Variants in KLHL18 observed in about 807,000 individuals in gnomAD.
The protein encoded by KLHL18 is kelch-like protein 18.
In KLHL18, 38 loss-of-function variants were observed where a neutral mutation model predicts 58.5. The ratio of observed to expected loss-of-function variants is 0.65; its 90% CI spans 0.50 to 0.85. The LOEUF is 0.85. KLHL18 is among the 40% of genes least tolerant of loss of function. The probability of loss-of-function intolerance (pLI) is 0.00; values close to 1 mark genes in which losing one functional copy is unlikely to be tolerated. For synonymous variants in KLHL18, 303 were observed against 301.9 expected (o/e 1.00, Z -0.04); for missense variants, 624 against 778.4 (o/e 0.80, Z 2.36).
At chr3:47,297,531 C>T (rs1702922134) in intron 1 of KLHL18, 1 of 456,588 alleles carries the variant, frequency 2.2e-6, no homozygotes, top group Non-Finnish European at 4.4e-6. Flanking sequence ...CCCTAAGCCT[C>T]ACCATCTTTT....
rs1704187238 is a variant in KLHL18 at position 47,344,578 on chromosome 3, C to G, written c.*637C>G. 2 of 152,260 alleles carry G rather than the reference C, an allele frequency of 1.3e-5. No individual in the cohort carries two copies. The highest frequency in any genetic ancestry group is 2.9e-5 in the Non-Finnish European group (2 of 68,008). The allele number at this position is 152,260 out of a possible 1,614,324, so 9.4% of individuals were successfully genotyped here. On this transcript the variant is annotated 3_prime_UTR_variant, in exon 10 of 10. Transcript: ENST00000232766. The stretch of plus-strand genomic sequence containing the variant: ...TTTCAGTGAGGCCTTTTGATCTGTC[C>G]AGGAGAACAGAAGGGAAAAAAAGAT...
Position 47,333,309 on chromosome 3 carries a change from C to T in KLHL18, c.753C>T (p.His251=), listed in dbSNP as rs1703910244. 6.2e-7 allele frequency: 1 copy of T among 1,613,336 alleles called. No homozygotes were observed. Among genetic ancestry groups the T allele is most frequent in the South Asian group, 1.1e-5 (1 of 90,998 alleles). Residue 251 remains histidine, a synonymous_variant, in exon 5 of 10, where the codon CAC becomes CAT. Transcript: ENST00000232766. ...AGGATGACCTGGTGCGTTGCTGCCACAAATGCAGGTGAGTGAGGGTGGACC... is the reference window on the plus strand; with the variant it reads ...AGGATGACCTGGTGCGTTGCTGCCATAAATGCAGGTGAGTGAGGGTGGACC... ...VQQDDLVRCC[H]KCRDLVDEAK...
intron 1 of KLHL18, among the ~76,000 whole-genome samples, chr3:47,310,484 C>T (rs1703271994): frequency 6.6e-6 from 1 of 152,196 alleles, no homozygotes; most frequent in Non-Finnish European, 1.5e-5. Flanking sequence ...TTCGAGTTCT[C>T]TCCCTGAATG....
chr3:47,292,624 G>A (rs1702812602), intron 1 of KLHL18, among the ~76,000 whole-genome samples: 1 of 151,666 alleles, frequency 6.6e-6, no homozygotes, highest in African/African-American at 2.4e-5. Flanking sequence ...TATGGTATAT[G>A]GCTGGACACA....
chr3:47,307,469 A>G (rs1447027016), intron 1 of KLHL18, among the ~76,000 whole-genome samples: 2 of 152,136 alleles, frequency 1.3e-5, no homozygotes, highest in African/African-American at 4.8e-5. Flanking sequence ...TCCTAATCTC[A>G]AGGTCAAAAA....
At chr3:47,331,920 G>A (rs201369345) in intron 4 of KLHL18, among the ~76,000 whole-genome samples, 3 of 152,186 alleles carry the variant, frequency 2.0e-5, no homozygotes, top group East Asian at 3.8e-4. Context: ...AGGAGCACAA[G>A]CCATCCATAT....
chr3:47,340,617 G>A lies in KLHL18; in HGVS notation c.1167G>A (p.Gly389=). The A allele has an allele frequency of 6.2e-7, 1 of 1,614,010 alleles. No homozygotes were observed. Among genetic ancestry groups the A allele is most frequent in the Middle Eastern group, 1.6e-4 (1 of 6,062 alleles). The part of the protein sequence containing the change: ...VVLDGQIYVC[G]GYDGNSSLSS... ...TGGATGGGCAGATCTACGTCTGTGG[G>A]GGCTACGATGGCAACTCTTCCCTCA... Residue 389 remains glycine (G), a synonymous_variant, in exon 8 of 10, where the codon GGG becomes GGA. Transcript: ENST00000232766.
At chr3:47,295,757 T>C (rs534054786) in intron 1 of KLHL18, among the ~76,000 whole-genome samples, 3 of 152,168 alleles carry the variant, frequency 2.0e-5, no homozygotes, top group Non-Finnish European at 4.4e-5. Context: ...ATTTTTTTTT[T>C]TTGGTAGATA....
At chr3:47,341,053 G>C (rs767895234) in intron 8 of KLHL18, among the ~76,000 whole-genome samples, 2 of 152,124 alleles carry the variant, frequency 1.3e-5, no homozygotes, top group African/African-American at 4.8e-5. Flanking sequence ...GGTCAGATAG[G>C]CTTGGGAAAT....
At chr3:47,292,264 C>G (rs1702805010) in intron 1 of KLHL18, among the ~76,000 whole-genome samples, 1 of 152,062 alleles carries the variant, frequency 6.6e-6, no homozygotes, top group Admixed American at 6.6e-5. Flanking sequence ...CACCTGAGGT[C>G]AGGAGTTCGA....
At chr3:47,339,383 T>C (rs532044031) in intron 7 of KLHL18, among the ~76,000 whole-genome samples, 1 of 150,860 alleles carries the variant, frequency 6.6e-6, no homozygotes, top group East Asian at 2.0e-4. Flanking sequence ...TCCCAGCTAC[T>C]GGGGAGTCTG....
At chr3:47,330,566 A>G (rs972460183) in intron 4 of KLHL18, among the ~76,000 whole-genome samples, 1 of 152,138 alleles carries the variant, frequency 6.6e-6, no homozygotes, top group Admixed American at 6.5e-5. Context: ...TGCTGGGATT[A>G]TAGGCGTGAG....
intron 3 of KLHL18, among the ~76,000 whole-genome samples, chr3:47,327,468 A>G (rs1188306995): frequency 6.6e-6 from 1 of 152,248 alleles, no homozygotes; most frequent in Non-Finnish European, 1.5e-5. Context: ...GTGTTAGGAA[A>G]TAGTGAAGCA....
At position 47,301,531 on chromosome 3, in the gene KLHL18, A is replaced by G. The variant is rs549675460; in HGVS notation, c.130-18122A>G. Among the ~76,000 whole-genome samples, 21 of 152,146 alleles carry G rather than the reference A, an allele frequency of 1.4e-4. 1 individual carries two copies. Among genetic ancestry groups the G allele is most frequent in the Admixed American group, 1.3e-3 (20 of 15,284 alleles). On this transcript the variant is annotated intron_variant, in intron 1 of 9. Transcript: ENST00000232766. Reference sequence around the variant, plus strand: ...TACCTTTGTCAGTAAGCAGCTAGCCATTCTTGTGTGAGGTTACCTCTGGGT... The same window carrying G: ...TACCTTTGTCAGTAAGCAGCTAGCCGTTCTTGTGTGAGGTTACCTCTGGGT...
At chr3:47,332,595 C>T (rs971109193) in intron 4 of KLHL18, among the ~76,000 whole-genome samples, 10 of 4,196 alleles carry the variant, frequency 2.4e-3, no homozygotes, top group Admixed American at 0.014. Context: ...ATTAATATGA[C>T]GGGGGGCGGG....
intron 1 of KLHL18, 120 bp downstream of exon 1, chr3:47,283,214 G>C (rs1702519169): frequency 1.1e-6 from 1 of 909,848 alleles, no homozygotes; most frequent in Admixed American, 2.5e-5. Context: ...GAGGTGTGAG[G>C]GGGGCCGAGT....
In KLHL18 at chr3:47,305,317, G is replaced by A. The variant is rs147344477; in HGVS notation, c.130-14336G>A. 1.9e-3 allele frequency among the ~76,000 whole-genome samples: 258 copies of A among 138,852 alleles called. 1 individual carries two copies. Among genetic ancestry groups the A allele is most frequent in the African/African-American group, 5.8e-3 (222 of 38,562 alleles). The allele number at this position is 138,852 out of a possible 152,430, so 91.1% of individuals were successfully genotyped here. A position where few individuals can be genotyped will look rare whatever the true frequency, so the allele number is the denominator to read the frequency against. On this transcript the variant is annotated intron_variant, in intron 1 of 9. Transcript: ENST00000232766. Reference sequence around the variant, plus strand: ...TTCTGAGAATTTTTATTATGGATGAGTGCTGAATTTTGTCAAGTTTTTTTT... The same window carrying A: ...TTCTGAGAATTTTTATTATGGATGAATGCTGAATTTTGTCAAGTTTTTTTT...
intron 1 of KLHL18, among the ~76,000 whole-genome samples, chr3:47,290,546 C>T (rs768888617): frequency 6.6e-6 from 1 of 151,996 alleles, no homozygotes; most frequent in African/African-American, 2.4e-5. Flanking sequence ...ACTGCAGCGT[C>T]GAAATCCCTG....
At chr3:47,285,483 A>G (rs529915757) in intron 1 of KLHL18, among the ~76,000 whole-genome samples, 51 of 151,672 alleles carry the variant, frequency 3.4e-4, no homozygotes, top group African/African-American at 1.1e-3. Context: ...TTGGAAGGCC[A>G]AGGCGAGTGG....
Sources: gnomAD v4.1 joint callset for allele counts (sites outside exome capture counted in the v4.1 genomes callset) on GRCh38, gnomAD v4.1.1 for gene constraint, MANE v1.5 for transcripts, NCBI Gene and HGNC (gene_info 2026-07-23, HGNC 2026-07-21) for gene names.